Variants in TPPP observed in about 807,000 individuals in gnomAD.
The protein encoded by TPPP is tubulin polymerization promoting protein.
TPPP carries 6 observed loss-of-function variants against 15.5 expected under a neutral mutation model. The observed-to-expected ratio is 0.39, with a 90% confidence interval of 0.21 to 0.77. TPPP has a LOEUF of 0.77. Ranked by LOEUF, TPPP falls within the 30% of genes least tolerant of loss-of-function variation. The pLI, the probability that TPPP is intolerant of heterozygous loss-of-function variation, is 0.42. For missense variants in TPPP, 269 were observed against 307.2 expected (o/e 0.88, Z 0.93); for synonymous variants, 146 against 133.9 (o/e 1.09, Z -0.63).
intron 1 of TPPP, among the ~76,000 whole-genome samples, chr5:691,981 C>A (rs1284940489): frequency 2.3e-5 from 3 of 130,118 alleles, no homozygotes; most frequent in Admixed American, 7.8e-5. Flanking sequence ...GCCCCCAGAC[C>A]CCATCAAAAC....
chr5:665,651 C>A (rs976882233), intron 3 of TPPP, among the ~76,000 whole-genome samples: 1 of 135,240 alleles, frequency 7.4e-6, no homozygotes, highest in African/African-American at 2.8e-5. Flanking sequence ...TCCCCAGGAC[C>A]CCCCCAGGCC....
intron 1 of TPPP, among the ~76,000 whole-genome samples, chr5:688,983 G>A (rs1740837700): frequency 9.8e-6 from 1 of 102,046 alleles, no homozygotes; most frequent in Non-Finnish European, 2.4e-5. Context: ...GCCTGGACAT[G>A]GCTCCCTGGC....
chr5:672,835 G>C (rs1000704061), intron 2 of TPPP, among the ~76,000 whole-genome samples: 1 of 152,250 alleles, frequency 6.6e-6, no homozygotes. Flanking sequence ...GTTAACAGTA[G>C]GCTTCAACAA....
At chr5:695,543 T>TA (rs1327288251), upstream of TPPP, among the ~76,000 whole-genome samples, 1 of 149,210 alleles carries the variant, frequency 6.7e-6, no homozygotes, top group Non-Finnish European at 1.5e-5. Flanking sequence ...GCTTTCCTCT[T>TA]ACGGCTTAGG....
chr5:680,673 C>T (rs1350246238), intron 1 of TPPP, among the ~76,000 whole-genome samples: 9 of 151,010 alleles, frequency 6.0e-5, no homozygotes, highest in African/African-American at 1.5e-4. Flanking sequence ...CGACCTCAGA[C>T]GCCAGCTGCC....
At chr5:676,614 G>C (rs1425781152) in intron 2 of TPPP, 1 of 152,292 alleles carries the variant, frequency 6.6e-6, no homozygotes, top group African/African-American at 2.4e-5. Context: ...CAGGCGGACA[G>C]GACGGGGCTC....
At chr5:675,268 GCAGCCCAGGGGGTT>G in intron 2 of TPPP, among the ~76,000 whole-genome samples, 2 of 101,012 alleles carry the variant, frequency 2.0e-5, no homozygotes, top group African/African-American at 8.2e-5. Context: ...GGCCGGGGGT[GCAGCCCAGGGGGTT>G]CAGTGTGGCC....
rs1364625285 is a variant in TPPP, at chr5:665,197, T to G, written c.565A>C (p.Lys189Gln). The change falls in exon 4 of 4, where the codon AAG becomes CAG. Residue 189 changes from lysine (K) to glutamine (Q), a missense_variant. Coordinates refer to ENST00000360578, the MANE Select transcript of TPPP (RefSeq NM_007030.3). ...TCCACCAGATCCACGCGGCCAGCCTTGCCCTTGCCCTTGCCAGAGGGGTCG... is the reference window on the plus strand; with the variant it reads ...TCCACCAGATCCACGCGGCCAGCCTGGCCCTTGCCCTTGCCAGAGGGGTCG... ...RFDPSGKGKGKAGRVDLVDES... is the reference protein window; with the variant it reads ...RFDPSGKGKGQAGRVDLVDES... 1 of 1,611,330 alleles carries G rather than the reference T, an allele frequency of 6.2e-7. No individual in the cohort carries two copies. Among genetic ancestry groups the G allele is most frequent in the Admixed American group, 1.7e-5 (1 of 59,952 alleles).
chr5:679,090 AG>A (rs1740544324), intron 1 of TPPP, among the ~76,000 whole-genome samples: 1 of 152,188 alleles, frequency 6.6e-6, no homozygotes, highest in South Asian at 2.1e-4. Flanking sequence ...GTCCGTGCCG[AG>A]GACACAGGTA....
At chr5:694,614 GC>G (rs1740985990), upstream of TPPP, among the ~76,000 whole-genome samples, 1 of 80,080 alleles carries the variant, frequency 1.2e-5, no homozygotes, top group Non-Finnish European at 3.3e-5. Context: ...ACTCAGTGCT[GC>G]CCAGAGATGG....
In TPPP at chr5:670,055, C is replaced by T. The variant is rs186726825; in HGVS notation, c.312-3932G>A. ...GCTCATACACGATGCCCTGCGGGGC[C>T]TGGACTTGCTTCCCAGGCTCTGAGT... On this transcript the variant is annotated intron_variant, in intron 2 of 3. Coordinates refer to ENST00000360578, the MANE Select transcript of TPPP (RefSeq NM_007030.3). Among the ~76,000 whole-genome samples, 1,070 of 150,748 alleles carry T rather than the reference C, an allele frequency of 7.1e-3. 4 individuals carry two copies. The highest frequency in any genetic ancestry group is 0.012 in the Non-Finnish European group (779 of 67,306).
At chr5:697,253 C>T (rs1293152636), upstream of TPPP, among the ~76,000 whole-genome samples, 1 of 146,190 alleles carries the variant, frequency 6.8e-6, no homozygotes, top group East Asian at 2.0e-4. Flanking sequence ...TTCACTGTTG[C>T]CACAGGTCAG....
chr5:697,295 G>T (rs56107165), upstream of TPPP, among the ~76,000 whole-genome samples: 6 of 123,124 alleles, frequency 4.9e-5, no homozygotes, highest in African/African-American at 1.7e-4. Context: ...CAAATGGGGG[G>T]TGTTCAGCCC....
At chr5:673,292 CT>C (rs997713115) in intron 2 of TPPP, among the ~76,000 whole-genome samples, 43 of 152,300 alleles carry the variant, frequency 2.8e-4, no homozygotes, top group African/African-American at 9.6e-4. Context: ...TTTTAGGCCC[CT>C]TGCTGCTGTA....
chr5:692,454 C>T (rs1740912063), intron 1 of TPPP: 1 of 865,696 alleles, frequency 1.2e-6, no homozygotes, highest in African/African-American at 1.9e-5. Flanking sequence ...GCCTCCCAAC[C>T]CCTATCAAAA....
In TPPP at chr5:663,427, C is replaced by T. The variant is rs1739764157; in HGVS notation, c.*1675G>A. The T allele has an allele frequency of 6.6e-6, 1 of 152,554 alleles. No homozygotes were observed. Among genetic ancestry groups the T allele is most frequent in the Middle Eastern group, 3.4e-3 (1 of 294 alleles). 9.5% of individuals were successfully genotyped at this position (152,554 alleles called of 1,614,324 possible). On this transcript the variant is annotated 3_prime_UTR_variant, in exon 4 of 4. Transcript: ENST00000360578. ...CTCTTTATTTCCAGGCACTGAACTT[C>T]CCAGCCCTGCCGTGGAAGCTGCCTG...
chr5:661,305 TCTC>T lies in TPPP; in HGVS notation c.*3794_*3796del, dbSNP rs1301675538. The T allele has an allele frequency of 1.4e-5, 2 of 145,256 alleles. No homozygotes were observed. Among genetic ancestry groups the T allele is most frequent in the South Asian group, 2.2e-4 (1 of 4,628 alleles). The allele number at this position is 145,256 out of a possible 1,614,324, so 9.0% of individuals were successfully genotyped here. A position where few individuals can be genotyped will look rare whatever the true frequency, so the allele number is the denominator to read the frequency against. On this transcript the variant is annotated 3_prime_UTR_variant, in exon 4 of 4. Transcript: ENST00000360578. ...TCACCCCCGACAGAACCTGTCCCTGTCTCCTCTTGTCACCCCCAACAGAACCTG... is the reference window on the plus strand; with the variant it reads ...TCACCCCCGACAGAACCTGTCCCTGTCTCTTGTCACCCCCAACAGAACCTG...
Position 677,857 on chromosome 5 carries a change from C to T in TPPP, c.204G>A (p.Gly68=), listed in dbSNP as rs781539141. The stretch of plus-strand genomic sequence containing the variant: ...ACCAGTTCTTGCCGTGCATCTCCCT[C>T]CCGGTGGCCCTGGCGTCCCCGTGCA... ...FAVHGDARAT[G]REMHGKNWSK... Residue 68 remains glycine (G), a synonymous_variant, in exon 2 of 4, where the codon GGG becomes GGA. Coordinates refer to ENST00000360578, the MANE Select transcript of TPPP (RefSeq NM_007030.3). 1 of 1,612,762 alleles carries T rather than the reference C, an allele frequency of 6.2e-7. No individual in the cohort carries two copies. The highest frequency in any genetic ancestry group is 8.5e-7 in the Non-Finnish European group (1 of 1,179,848).
In TPPP at chr5:664,677, T is replaced by A. The variant is rs979383110; in HGVS notation, c.*425A>T. On this transcript the variant is annotated 3_prime_UTR_variant, in exon 4 of 4. Transcript: ENST00000360578. ...GTCCGGTGTGGGGCCAATTCCGTGTTAGTTGCCTGCTGGTTGGGGTTAGCT... is the reference window on the plus strand; with the variant it reads ...GTCCGGTGTGGGGCCAATTCCGTGTAAGTTGCCTGCTGGTTGGGGTTAGCT... 1.7e-5 allele frequency: 3 copies of A among 181,454 alleles called. No homozygotes were observed. The highest frequency in any genetic ancestry group is 7.1e-5 in the African/African-American group (3 of 42,212). The allele number at this position is 181,454 out of a possible 1,614,324, so 11.2% of individuals were successfully genotyped here.
Sources: gnomAD v4.1 joint callset for allele counts (sites outside exome capture counted in the v4.1 genomes callset) on GRCh38, gnomAD v4.1.1 for gene constraint, MANE v1.5 for transcripts, NCBI Gene and HGNC (gene_info 2026-07-23, HGNC 2026-07-21) for gene names.